The following CD8B2 variants were observed in gnomAD, a reference collection of about 807,000 sequenced individuals.
CD8B2 encodes CD8B family member 2.
CD8B2 carries 11 observed loss-of-function variants against 23.7 expected under a neutral mutation model. That is an observed-to-expected ratio of 0.46 (90% CI 0.29 to 0.77). The LOEUF (loss-of-function observed/expected upper bound fraction) is 0.77, where lower values mean the gene tolerates loss of function less well. Among genes scored for constraint, CD8B2 ranks in the 30% least tolerant of loss-of-function variants. The pLI is 0.09. For missense variants in CD8B2, 197 were observed against 270.5 expected, an observed-to-expected ratio of 0.73 and a Z score of 1.91; for synonymous variants, 90 against 109.3, an observed-to-expected ratio of 0.82 and a Z score of 1.10.
chr2:106,529,454 T>A (rs2104572636), intron 5 of CD8B2, among the ~76,000 whole-genome samples: 1 of 152,318 alleles, frequency 6.6e-6, no homozygotes, highest in East Asian at 1.9e-4. Context: ...TGCCCAGAAA[T>A]GGTAAGTTTC....
At position 106,509,043 on chromosome 2, in the gene CD8B2, G is replaced by C. The variant is rs1266304799; in HGVS notation, c.*2103G>C. ...TAGGTGTTTCTCCTTCATTCAGCAC[G>C]AATTGGCCTTAGATGCCCTGCCCCC... On this transcript the variant is annotated 3_prime_UTR_variant, in exon 6 of 6. Coordinates refer to ENST00000643224, the MANE Select transcript of CD8B2 (RefSeq NM_001349727.2). The C allele has an allele frequency of 6.7e-6, 1 of 148,318 alleles. No homozygotes were observed. The highest frequency in any genetic ancestry group is 2.5e-5 in the African/African-American group (1 of 39,680). The allele number at this position is 148,318 out of a possible 1,614,324, so 9.2% of individuals were successfully genotyped here. A position where few individuals can be genotyped will look rare whatever the true frequency, so the allele number is the denominator to read the frequency against.
intron 5 of CD8B2, among the ~76,000 whole-genome samples, chr2:106,541,989 C>T (rs1173887396): frequency 1.3e-5 from 2 of 152,200 alleles, no homozygotes; most frequent in Non-Finnish European, 2.9e-5. Flanking sequence ...GACCACCGTT[C>T]CCCATGGCTC....
chr2:106,527,071 T>C (rs1679917705), intron 5 of CD8B2, among the ~76,000 whole-genome samples: 1 of 152,258 alleles, frequency 6.6e-6, no homozygotes, highest in African/African-American at 2.4e-5. Flanking sequence ...TTGGTTTTCA[T>C]TGCTCTTGGA....
At chr2:106,541,179 T>C (rs1284079415) in intron 5 of CD8B2, among the ~76,000 whole-genome samples, 1 of 152,134 alleles carries the variant, frequency 6.6e-6, no homozygotes, top group Non-Finnish European at 1.5e-5. Flanking sequence ...GCAGCATGCC[T>C]GTTTGTATCT....
intron 5 of CD8B2, among the ~76,000 whole-genome samples, chr2:106,525,465 G>T (rs1225972921): frequency 1.3e-5 from 2 of 152,290 alleles, no homozygotes; most frequent in East Asian, 1.9e-4. Context: ...TTATGGAAAA[G>T]TACACATGAC....
intron 2 of CD8B2, among the ~76,000 whole-genome samples, chr2:106,492,274 C>T (rs138949871): frequency 0.011 from 1,739 of 152,074 alleles, 16 homozygotes; most frequent in Non-Finnish European, 0.019. Context: ...GTCCAGCAGA[C>T]GCACATTTCA....
At chr2:106,501,699 A>G (rs994787877) in intron 3 of CD8B2, among the ~76,000 whole-genome samples, 3 of 152,260 alleles carry the variant, frequency 2.0e-5, no homozygotes, top group African/African-American at 4.8e-5. Flanking sequence ...ACAAACAAAC[A>G]AACGAACAAA....
At chr2:106,519,779 G>A (rs1345413613) in intron 5 of CD8B2, among the ~76,000 whole-genome samples, 4 of 152,120 alleles carry the variant, frequency 2.6e-5, no homozygotes, top group Non-Finnish European at 4.4e-5. Context: ...TAGCAGATGT[G>A]CTAAAAAAGA....
In CD8B2 at chr2:106,508,682, C is replaced by T. The variant is rs933916976; in HGVS notation, c.*1742C>T. On this transcript the variant is annotated 3_prime_UTR_variant, in exon 6 of 6. Transcript: ENST00000643224. ...GTTTTAAGTACCCCTTTTGAGGTAC[C>T]TGTCGGCTACCCCTTAATCTGGGTG... The T allele has an allele frequency of 6.6e-6, 1 of 152,208 alleles. No individual in the cohort carries two copies. The highest frequency in any genetic ancestry group is 2.4e-5 in the African/African-American group (1 of 41,454). 9.4% of individuals were successfully genotyped at this position (152,208 alleles called of 1,614,324 possible).
chr2:106,500,186 CTTG>C (rs977416170), intron 3 of CD8B2, among the ~76,000 whole-genome samples: 4 of 114,246 alleles, frequency 3.5e-5, no homozygotes, highest in Admixed American at 1.1e-4. Flanking sequence ...CTCTTTGAAT[CTTG>C]TTGTTTTTGT....
chr2:106,525,741 G>A (rs1679897437), intron 5 of CD8B2, among the ~76,000 whole-genome samples: 1 of 151,940 alleles, frequency 6.6e-6, no homozygotes, highest in Admixed American at 6.6e-5. Flanking sequence ...TTTGTGACTG[G>A]CTTTTCATTT....
chr2:106,513,583 G>A (rs997869434), downstream of CD8B2, among the ~76,000 whole-genome samples: 4 of 149,928 alleles, frequency 2.7e-5, no homozygotes, highest in African/African-American at 9.8e-5. Flanking sequence ...TTGGTGGAGG[G>A]GTGGAGGCTC....
chr2:106,539,381 T>C (rs1680139008), intron 5 of CD8B2, among the ~76,000 whole-genome samples: 2 of 152,254 alleles, frequency 1.3e-5, no homozygotes, highest in Non-Finnish European at 2.9e-5. Context: ...AACATATTTA[T>C]ATTTCTAAAA....
Position 106,507,867 on chromosome 2 carries a change from G to A in CD8B2, c.*927G>A, listed in dbSNP as rs1230178169. On this transcript the variant is annotated 3_prime_UTR_variant, in exon 6 of 6. Transcript: ENST00000643224. ...CAGAGCCAGGCTGCAGGTGCCTCAG[G>A]CCCCTCTCCCAGCCCACTCCCAAGC... is the stretch of plus-strand genomic sequence containing the variant. The A allele has an allele frequency of 1.3e-5, 2 of 151,166 alleles. No individual in the cohort carries two copies. The highest frequency in any genetic ancestry group is 3.9e-4 in the East Asian group (2 of 5,096). The allele number at this position is 151,166 out of a possible 1,614,324, so 9.4% of individuals were successfully genotyped here. A position where few individuals can be genotyped will look rare whatever the true frequency, so the allele number is the denominator to read the frequency against.
At chr2:106,504,468 T>A in intron 5 of CD8B2, 143 bp downstream of exon 5, 1 of 1,515,522 alleles carries the variant, frequency 6.6e-7, no homozygotes. Context: ...ACACCTGTAG[T>A]CACAGCTACT....
In CD8B2 at chr2:106,508,345, A is replaced by C. The variant is rs555359348; in HGVS notation, c.*1405A>C. ...AGAATGTAAGAAATGTTACAAAAAAAACAGGAAAGGAAAGACGACTCTGGG... is the reference window on the plus strand; with the variant it reads ...AGAATGTAAGAAATGTTACAAAAAACACAGGAAAGGAAAGACGACTCTGGG... On this transcript the variant is annotated 3_prime_UTR_variant, in exon 6 of 6. Coordinates refer to ENST00000643224, the MANE Select transcript of CD8B2 (RefSeq NM_001349727.2). 6.6e-6 allele frequency: 1 copy of C among 152,166 alleles called. No individual in the cohort carries two copies. Among genetic ancestry groups the C allele is most frequent in the Non-Finnish European group, 1.5e-5 (1 of 68,038 alleles). 9.4% of individuals were successfully genotyped at this position (152,166 alleles called of 1,614,324 possible).
chr2:106,521,649 T>C (rs1262209650), intron 5 of CD8B2: 1 of 152,132 alleles, frequency 6.6e-6, no homozygotes, highest in Non-Finnish European at 1.5e-5. Flanking sequence ...AGCACCCTGG[T>C]TTGTCTAGGA....
downstream of CD8B2, among the ~76,000 whole-genome samples, chr2:106,512,952 T>C (rs1573341357): frequency 6.6e-6 from 1 of 152,124 alleles, no homozygotes; most frequent in East Asian, 1.9e-4. Flanking sequence ...TCTGGCTCTT[T>C]CCTGCCACCT....
intron 1 of CD8B2, among the ~76,000 whole-genome samples, chr2:106,489,189 G>T (rs1405578745): frequency 1.3e-5 from 2 of 148,340 alleles, no homozygotes; most frequent in Non-Finnish European, 3.0e-5. Flanking sequence ...TCTTAGTAGA[G>T]ACAGGGTCTC....
Sources: gnomAD v4.1 joint callset for allele counts (sites outside exome capture counted in the v4.1 genomes callset) on GRCh38, gnomAD v4.1.1 for gene constraint, MANE v1.5 for transcripts, NCBI Gene and HGNC (gene_info 2026-07-23, HGNC 2026-07-21) for gene names.